Variants in CFAP206 observed in about 807,000 individuals in gnomAD.
The protein encoded by CFAP206 is cilia- and flagella-associated protein 206.
A neutral mutation model predicts 65.4 loss-of-function variants in CFAP206; 53 were observed. The ratio of observed to expected loss-of-function variants is 0.81; its 90% CI spans 0.65 to 1.02. CFAP206 has a LOEUF of 1.02. Among genes scored for constraint, CFAP206 ranks in the 50% least tolerant of loss-of-function variants. The pLI is 0.00. For missense variants in CFAP206, 663 were observed against 753.2 expected (o/e 0.88, Z 1.40); for synonymous variants, 250 against 254.4 (o/e 0.98, Z 0.17).
chr6:87,426,107 A>C (rs1768038906), intron 7 of CFAP206: 2 of 153,430 alleles, frequency 1.3e-5, no homozygotes, highest in African/African-American at 4.8e-5. Context: ...CTGCTGGCTC[A>C]CTCCTAACAG....
chr6:87,409,817 A>G lies in CFAP206; in HGVS notation c.-5-18A>G. ...ATAAAACCACGGTTTTTTTAAAAAA[A>G]ATTGTTGTTTTATTTAGCCAGAATG... On this transcript the variant is annotated intron_variant, in intron 1 of 12. Coordinates refer to ENST00000369562, the MANE Select transcript of CFAP206 (RefSeq NM_001031743.3). 1.9e-6 allele frequency: 3 copies of G among 1,546,336 alleles called. No homozygotes were observed. Among genetic ancestry groups the G allele is most frequent in the Non-Finnish European group, 2.6e-6 (3 of 1,133,562 alleles).
intron 11 of CFAP206, among the ~76,000 whole-genome samples, chr6:87,455,858 C>G (rs1768631309): frequency 6.6e-6 from 1 of 152,084 alleles, no homozygotes; most frequent in Admixed American, 6.6e-5. Context: ...AGATGAAACC[C>G]TTAATAAAAG....
At chr6:87,436,352 C>T (rs893444132) in intron 11 of CFAP206, among the ~76,000 whole-genome samples, 10 of 152,196 alleles carry the variant, frequency 6.6e-5, no homozygotes, top group African/African-American at 1.9e-4. Context: ...TCCCAAAGTG[C>T]TGGGATTACA....
intron 11 of CFAP206, among the ~76,000 whole-genome samples, chr6:87,449,880 T>C (rs1768509986): frequency 6.6e-6 from 1 of 152,212 alleles, no homozygotes; most frequent in Admixed American, 6.5e-5. Context: ...TTTGAGGTCT[T>C]ATCCAAAAGA....
intron 10 of CFAP206, 123 bp downstream of exon 10, chr6:87,431,296 G>A (rs115212075): frequency 3.3e-6 from 3 of 900,374 alleles, no homozygotes; most frequent in Non-Finnish European, 5.0e-6. Context: ...ACTAACAAAG[G>A]ATCTACAAAG....
chr6:87,434,805 CAAT>C (rs1768225742), intron 10 of CFAP206, 52 bp from the exon 11 acceptor site: 1 of 1,033,054 alleles, frequency 9.7e-7, no homozygotes, highest in Non-Finnish European at 1.4e-6. Context: ...GCCAGAATAA[CAAT>C]ATTTCATAAG....
At chr6:87,412,302 A>G (rs73492225) in intron 3 of CFAP206, among the ~76,000 whole-genome samples, 2 of 152,268 alleles carry the variant, frequency 1.3e-5, no homozygotes, top group South Asian at 2.1e-4. Context: ...ATAGTGTCCA[A>G]TCCTCAGTCT....
Position 87,464,274 on chromosome 6 carries a change from A to G in CFAP206, c.*24A>G, listed in dbSNP as rs1392652586. 6.4e-7 allele frequency: 1 copy of G among 1,572,732 alleles called. No individual in the cohort carries two copies. Among genetic ancestry groups the G allele is most frequent in the Non-Finnish European group, 8.7e-7 (1 of 1,146,936 alleles). On this transcript the variant is annotated 3_prime_UTR_variant, in exon 13 of 13. Coordinates refer to ENST00000369562, the MANE Select transcript of CFAP206 (RefSeq NM_001031743.3). ...AATTACAGACAACGTTTTAAAATAG[A>G]TGCTACTCAATTATGAACAATAGCA...
chr6:87,456,333 A>T (rs1032781196), intron 11 of CFAP206, among the ~76,000 whole-genome samples: 5 of 152,164 alleles, frequency 3.3e-5, no homozygotes, highest in Non-Finnish European at 5.9e-5. Context: ...TTCTATGATT[A>T]AAAAACCTCA....
rs935182565 is a variant in CFAP206, at chr6:87,426,640, G to A, written c.955G>A (p.Val319Ile). 7 of 1,574,886 alleles carry A rather than the reference G, an allele frequency of 4.4e-6. No individual in the cohort carries two copies. Among genetic ancestry groups the A allele is most frequent in the Non-Finnish European group, 6.0e-6 (7 of 1,162,334 alleles). ...KSKIAVPTSQ[V>I]FPIFIALSTL... is the part of the protein sequence containing the mutation. ...AAAGATAGCGGTCCCAACATCACAAGTCTTTGTAAGTATTTGTCATAAACT... is the reference window on the plus strand; with the variant it reads ...AAAGATAGCGGTCCCAACATCACAAATCTTTGTAAGTATTTGTCATAAACT... Residue 319 changes from valine to isoleucine, a missense_variant, in exon 8 of 13, where the codon GTC becomes ATC. By Grantham distance (29) the Val-to-Ile change is conservative. Coordinates refer to ENST00000369562, the MANE Select transcript of CFAP206 (RefSeq NM_001031743.3).
intron 10 of CFAP206, among the ~76,000 whole-genome samples, chr6:87,434,382 C>T (rs534530921): frequency 2.9e-4 from 42 of 144,986 alleles, no homozygotes; most frequent in Admixed American, 2.1e-3. Flanking sequence ...GTTGATAAGA[C>T]GCAGTCTTAT....
At chr6:87,418,497 A>T in intron 7 of CFAP206, 81 bp downstream of exon 7, 2 of 1,225,114 alleles carry the variant, frequency 1.6e-6, no homozygotes, top group Admixed American at 1.8e-5. Flanking sequence ...GAACCAGGTC[A>T]CTAATTAAGG....
intron 11 of CFAP206, chr6:87,445,141 T>A (rs1403636916): frequency 2.6e-6 from 1 of 384,304 alleles, no homozygotes; most frequent in Non-Finnish European, 5.0e-6. Flanking sequence ...GCGTAATCCA[T>A]CATCTGTTAT....
chr6:87,409,479 C>T (rs546126356), intron 1 of CFAP206, among the ~76,000 whole-genome samples: 1 of 149,792 alleles, frequency 6.7e-6, no homozygotes, highest in Admixed American at 6.6e-5. Context: ...TCCCAAAGTG[C>T]TGGGATTACA....
At chr6:87,418,174 C>CTTAATTGTTTTAGT in intron 6 of CFAP206, 34 bp from the exon 7 acceptor site, 1 of 1,599,804 alleles carries the variant, frequency 6.3e-7, no homozygotes, top group Non-Finnish European at 8.6e-7. Flanking sequence ...TTTTAGTCTC[C>CTTAATTGTTTTAGT]TTTATGGCTG....
intron 7 of CFAP206, among the ~76,000 whole-genome samples, chr6:87,422,474 G>A (rs1268343593): frequency 4.1e-5 from 6 of 144,722 alleles, no homozygotes; most frequent in African/African-American, 1.0e-4. Flanking sequence ...AAAAAAGGCC[G>A]GGTGCGGTGG....
Position 87,444,200 on chromosome 6 carries a change from G to C in CFAP206, c.1494+9147G>C, listed in dbSNP as rs1340118903. Among the ~76,000 whole-genome samples the C allele has an allele frequency of 3.9e-5, 6 of 152,150 alleles. No homozygotes were observed. The East Asian group carries it at 1.2e-3, about 29-fold the overall frequency. On this transcript the variant is annotated intron_variant, in intron 11 of 12. Coordinates refer to ENST00000369562, the MANE Select transcript of CFAP206 (RefSeq NM_001031743.3). ...AATTCCTAGTAGGAAAACATTATCTGAATGGATACGCTAATGGCAAACCAC... is the reference window on the plus strand; with the variant it reads ...AATTCCTAGTAGGAAAACATTATCTCAATGGATACGCTAATGGCAAACCAC...
At chr6:87,424,028 T>C (rs919806897) in intron 7 of CFAP206, among the ~76,000 whole-genome samples, 4 of 152,210 alleles carry the variant, frequency 2.6e-5, no homozygotes, top group Non-Finnish European at 5.9e-5. Flanking sequence ...GTCATTCTTT[T>C]ATGCTATACT....
chr6:87,444,399 G>A (rs746689074), intron 11 of CFAP206: 2 of 223,012 alleles, frequency 9.0e-6, no homozygotes, highest in Admixed American at 4.1e-5. Context: ...AGGGCATTAC[G>A]CTTGACCTAC....
Sources: gnomAD v4.1 joint callset for allele counts (sites outside exome capture counted in the v4.1 genomes callset) on GRCh38, gnomAD v4.1.1 for gene constraint, MANE v1.5 for transcripts, NCBI Gene and HGNC (gene_info 2026-07-23, HGNC 2026-07-21) for gene names.